The following EXOC6B variants were observed in gnomAD, a reference collection of about 807,000 sequenced individuals.
EXOC6B encodes exocyst complex component 6B, also known as SEC15 homolog B.
A neutral mutation model predicts 113.5 loss-of-function variants in EXOC6B; 54 were observed. The observed-to-expected ratio is 0.48, with a 90% CI of 0.38 to 0.60. EXOC6B has a LOEUF of 0.60. Among genes scored for constraint, EXOC6B ranks in the 20% least tolerant of loss-of-function variants. The pLI, the probability that EXOC6B is intolerant of heterozygous loss-of-function variation, is 0.00. For missense variants in EXOC6B, 797 were observed against 977.5 expected (o/e 0.82, Z 2.46); for synonymous variants, 357 against 339.0 (o/e 1.05, Z -0.58).
chr2:72,576,875 G>C (rs911884631), intron 6 of EXOC6B, among the ~76,000 whole-genome samples: 1 of 152,048 alleles, frequency 6.6e-6, no homozygotes, highest in South Asian at 2.1e-4. Context: ...ACCTCTGAAA[G>C]TATACATTTC....
At chr2:72,604,237 T>C (rs1212165380) in intron 6 of EXOC6B, among the ~76,000 whole-genome samples, 2 of 152,152 alleles carry the variant, frequency 1.3e-5, no homozygotes, top group African/African-American at 4.8e-5. Flanking sequence ...GCCTAGAGAC[T>C]TCCCCCTGAG....
intron 11 of EXOC6B, among the ~76,000 whole-genome samples, chr2:72,501,996 C>T (rs1205868659): frequency 2.6e-5 from 4 of 151,940 alleles, no homozygotes; most frequent in African/African-American, 9.7e-5. Context: ...CTACTGGGCT[C>T]AAGCAATCTG....
chr2:72,546,187 A>G (rs1162716918), intron 8 of EXOC6B, among the ~76,000 whole-genome samples: 1 of 152,158 alleles, frequency 6.6e-6, no homozygotes, highest in Non-Finnish European at 1.5e-5. Flanking sequence ...GGTGGCTCTC[A>G]TCTGTAATCC....
chr2:72,798,555 G>GA (rs1176299917), intron 1 of EXOC6B, among the ~76,000 whole-genome samples: 3 of 152,132 alleles, frequency 2.0e-5, no homozygotes, highest in Non-Finnish European at 4.4e-5. Context: ...CAAGAGAAAA[G>GA]AAGTATATAT....
chr2:72,624,095 G>A (rs1437549252), intron 6 of EXOC6B, among the ~76,000 whole-genome samples: 1 of 152,034 alleles, frequency 6.6e-6, no homozygotes, highest in Admixed American at 6.5e-5. Flanking sequence ...AAGATATGAA[G>A]AGCAACTCTA....
intron 17 of EXOC6B, among the ~76,000 whole-genome samples, chr2:72,477,986 T>A (rs145119801): frequency 6.6e-6 from 1 of 152,358 alleles, no homozygotes; most frequent in East Asian, 1.9e-4. Flanking sequence ...AGACTCACTT[T>A]TTTGTTCATG....
In EXOC6B at chr2:72,515,121, G is replaced by A. The variant is rs1435544178; in HGVS notation, c.921C>T (p.Ala307=). Residue 307 remains alanine, a synonymous_variant, in exon 9 of 22, where the codon GCC becomes GCT. Transcript: ENST00000272427. ...GGTAGTAATTCTCAAATGTTTCCCG[G>A]GCACCCTGTAAATAAAGAAAAGAAA... ...RCLHIYSVLG[A]RETFENYYRK... The A allele has an allele frequency of 6.3e-7, 1 of 1,599,488 alleles. No homozygotes were observed. The highest frequency in any genetic ancestry group is 1.7e-4 in the Middle Eastern group (1 of 6,046).
At chr2:72,242,865 T>C (rs1443693744) in intron 20 of EXOC6B, among the ~76,000 whole-genome samples, 1 of 152,192 alleles carries the variant, frequency 6.6e-6, no homozygotes, top group Non-Finnish European at 1.5e-5. Context: ...CCTGAGTAGC[T>C]AGGACTATAG....
intron 6 of EXOC6B, among the ~76,000 whole-genome samples, chr2:72,664,323 A>C (rs746469003): frequency 1.6e-4 from 24 of 152,092 alleles, no homozygotes; most frequent in Middle Eastern, 3.2e-3. Flanking sequence ...ACTGAGGCTG[A>C]AGAGTGGGGA....
chr2:72,335,372 T>G (rs560683374), intron 19 of EXOC6B: 33 of 171,166 alleles, frequency 1.9e-4, no homozygotes, highest in Non-Finnish European at 3.3e-4. Flanking sequence ...CAATAAAATC[T>G]TCAGCTGTGA....
At chr2:72,642,750 C>T (rs973772095) in intron 6 of EXOC6B, among the ~76,000 whole-genome samples, 6 of 151,406 alleles carry the variant, frequency 4.0e-5, no homozygotes, top group Non-Finnish European at 8.8e-5. Flanking sequence ...CAACAAAAGA[C>T]AAAATTGACA....
chr2:72,300,075 C>T (rs2104749875), intron 20 of EXOC6B, among the ~76,000 whole-genome samples: 1 of 152,314 alleles, frequency 6.6e-6, no homozygotes, highest in South Asian at 2.1e-4. Context: ...CTGCTCTCTT[C>T]AGAGCCCTCA....
Position 72,396,974 on chromosome 2 carries a change from G to GA in EXOC6B, c.1981-17105dup, listed in dbSNP as rs74585468. ...ACTGGGAGAAGATGCGAACTCTACT[G>GA]AAAAAAAAAAAAACATATTTTCAAA... On this transcript the variant is annotated intron_variant, in intron 18 of 21. Coordinates refer to ENST00000272427, the MANE Select transcript of EXOC6B (RefSeq NM_015189.3). 6.0e-3 allele frequency among the ~76,000 whole-genome samples: 837 copies of GA among 139,016 alleles called. 1 individual carries two copies. Among genetic ancestry groups the GA allele is most frequent in the Non-Finnish European group, 6.9e-3 (436 of 63,084 alleles). 91.2% of individuals were successfully genotyped at this position (139,016 alleles called of 152,430 possible).
intron 7 of EXOC6B, 138 bp downstream of exon 7, chr2:72,575,354 C>T: frequency 2.9e-6 from 2 of 692,828 alleles, no homozygotes; most frequent in Non-Finnish European, 2.2e-6. Flanking sequence ...TAAATTGAGC[C>T]TTATTTGTAT....
At chr2:72,302,973 T>C (rs377049977) in intron 20 of EXOC6B, among the ~76,000 whole-genome samples, 13 of 152,268 alleles carry the variant, frequency 8.5e-5, no homozygotes, top group African/African-American at 2.4e-4. Context: ...TTCCTTTCCA[T>C]ATTTAGTGCT....
At chr2:72,284,276 A>T (rs1326066618) in intron 20 of EXOC6B, among the ~76,000 whole-genome samples, 1 of 152,184 alleles carries the variant, frequency 6.6e-6, no homozygotes, top group East Asian at 1.9e-4. Context: ...ATCGTATACC[A>T]TAACTAAGTG....
At chr2:72,720,899 G>A (rs748427275) in intron 5 of EXOC6B, among the ~76,000 whole-genome samples, 11 of 151,848 alleles carry the variant, frequency 7.2e-5, no homozygotes, top group Non-Finnish European at 1.5e-4. Context: ...TGTCTAATAG[G>A]AAAGCTTCTA....
intron 18 of EXOC6B, among the ~76,000 whole-genome samples, chr2:72,459,761 G>C (rs1172416567): frequency 1.3e-5 from 2 of 152,058 alleles, no homozygotes; most frequent in Admixed American, 6.6e-5. Context: ...AATGAATATC[G>C]TGAAAATGGC....
chr2:72,212,898 C>A (rs1338711165), intron 20 of EXOC6B, among the ~76,000 whole-genome samples: 1 of 152,172 alleles, frequency 6.6e-6, no homozygotes, highest in Admixed American at 6.5e-5. Context: ...CAGTAACTCC[C>A]ATCCCATGTG....
Sources: allele counts gnomAD v4.1 joint callset (sites outside exome capture counted in the v4.1 genomes callset), GRCh38; gene constraint gnomAD v4.1.1; transcripts MANE v1.5; gene names NCBI Gene and HGNC (gene_info 2026-07-23, HGNC 2026-07-21).